The following KIAA1549L variants were observed in gnomAD, a reference collection of about 807,000 sequenced individuals.
KIAA1549L encodes the protein UPF0606 protein KIAA1549L.
Under a neutral mutation model 160.7 loss-of-function variants are expected in KIAA1549L, and 88 were observed. The observed-to-expected ratio is 0.55, with a 90% CI of 0.46 to 0.65. KIAA1549L has a LOEUF of 0.65. Ranked by LOEUF, KIAA1549L falls within the 30% of genes least tolerant of loss-of-function variation. The probability of loss-of-function intolerance (pLI) is 0.00; values close to 1 mark genes in which losing one functional copy is unlikely to be tolerated. For missense variants in KIAA1549L, 2,258 were observed against 2,437.5 expected (o/e 0.93, Z 1.55); for synonymous variants, 950 against 976.7 (o/e 0.97, Z 0.51).
intron 20 of KIAA1549L, 92 bp from the exon 21 acceptor site, chr11:33,667,781 G>T: frequency 2.7e-6 from 3 of 1,095,678 alleles, no homozygotes; most frequent in South Asian, 3.1e-5. Flanking sequence ...CATGTCCTCA[G>T]CCCCCTCCTG....
At chr11:33,664,649 TC>T (rs1404484627) in intron 20 of KIAA1549L, among the ~76,000 whole-genome samples, 1 of 152,206 alleles carries the variant, frequency 6.6e-6, no homozygotes, top group East Asian at 1.9e-4. Context: ...CCCTGACCTT[TC>T]CTGCCATGTG....
At chr11:33,614,529 A>AGGCCATAT (rs1194353287) in intron 15 of KIAA1549L, among the ~76,000 whole-genome samples, 1 of 39,140 alleles carries the variant, frequency 2.6e-5, no homozygotes, top group Non-Finnish European at 5.8e-5. Flanking sequence ...TGAGTGTAAC[A>AGGCCATAT]AGATATATAT....
chr11:33,632,977 G>A (rs555266095), intron 16 of KIAA1549L, among the ~76,000 whole-genome samples: 15 of 144,660 alleles, frequency 1.0e-4, no homozygotes, highest in East Asian at 2.0e-4. Flanking sequence ...GTTTTTTGTC[G>A]TTGTTGTTTG....
chr11:33,452,413 C>T (rs1203176494), intron 1 of KIAA1549L, among the ~76,000 whole-genome samples: 1 of 152,194 alleles, frequency 6.6e-6, no homozygotes, highest in Non-Finnish European at 1.5e-5. Context: ...CGAGACCATC[C>T]TGGCTAACAT....
intron 16 of KIAA1549L, among the ~76,000 whole-genome samples, chr11:33,633,951 G>A (rs535662650): frequency 3.9e-5 from 6 of 152,158 alleles, no homozygotes; most frequent in South Asian, 2.1e-4. Flanking sequence ...GAAAACAGGC[G>A]GTGAACATTA....
At chr11:33,463,718 A>T (rs1851987341) in intron 1 of KIAA1549L, among the ~76,000 whole-genome samples, 1 of 152,208 alleles carries the variant, frequency 6.6e-6, no homozygotes, top group Non-Finnish European at 1.5e-5. Flanking sequence ...ACTCTCTATG[A>T]TGTCTTTCCT....
At chr11:33,392,354 T>C (rs1183410385) in intron 1 of KIAA1549L, among the ~76,000 whole-genome samples, 1 of 152,230 alleles carries the variant, frequency 6.6e-6, no homozygotes, top group African/African-American at 2.4e-5. Context: ...TCAATTCATC[T>C]TATTTTTGAT....
chr11:33,476,131 G>T (rs994515528), intron 1 of KIAA1549L, among the ~76,000 whole-genome samples: 3 of 152,266 alleles, frequency 2.0e-5, no homozygotes, highest in Non-Finnish European at 2.9e-5. Context: ...CTATTACTGT[G>T]CTGAAATTGG....
chr11:33,570,353 G>T (rs1590353818), intron 9 of KIAA1549L, among the ~76,000 whole-genome samples: 1 of 152,230 alleles, frequency 6.6e-6, no homozygotes, highest in Non-Finnish European at 1.5e-5. Flanking sequence ...TAGCTGCCTG[G>T]AAAGTCTGAG....
chr11:33,515,895 G>A (rs1317700389), intron 1 of KIAA1549L, among the ~76,000 whole-genome samples: 2 of 152,168 alleles, frequency 1.3e-5, no homozygotes, highest in African/African-American at 4.8e-5. Context: ...AGTCACTCAA[G>A]CATTATTGGT....
At chr11:33,425,134 GC>G (rs1175578449) in intron 1 of KIAA1549L, among the ~76,000 whole-genome samples, 1 of 152,148 alleles carries the variant, frequency 6.6e-6, no homozygotes, top group Admixed American at 6.5e-5. Context: ...GTTAATATGT[GC>G]TCTAATTCCA....
At chr11:33,645,285 C>G (rs950343668) in intron 16 of KIAA1549L, among the ~76,000 whole-genome samples, 3 of 152,136 alleles carry the variant, frequency 2.0e-5, no homozygotes, top group African/African-American at 7.2e-5. Flanking sequence ...GGGAGTGAAT[C>G]TAGAATGCTA....
chr11:33,591,465 ATAAT>A (rs777111772), intron 12 of KIAA1549L, 44 bp downstream of exon 12: 1 of 1,468,374 alleles, frequency 6.8e-7, no homozygotes, highest in Non-Finnish European at 9.3e-7. Context: ...CAGCAAGAGA[ATAAT>A]TGATGATGAG....
intron 16 of KIAA1549L, among the ~76,000 whole-genome samples, chr11:33,632,370 GC>G (rs1851320394): frequency 6.6e-6 from 1 of 152,196 alleles, no homozygotes; most frequent in Non-Finnish European, 1.5e-5. Flanking sequence ...GCCATCATAT[GC>G]CAAGTGTCCA....
At chr11:33,378,925 G>T (rs1434545457) in intron 1 of KIAA1549L, among the ~76,000 whole-genome samples, 1 of 152,236 alleles carries the variant, frequency 6.6e-6, no homozygotes, top group East Asian at 1.9e-4. Flanking sequence ...TAAGGGGTTT[G>T]TGGGAAGAAG....
intron 1 of KIAA1549L, among the ~76,000 whole-genome samples, chr11:33,418,468 G>A (rs2615942): frequency 0.52 from 78,674 of 151,956 alleles, 20,632 homozygotes; most frequent in South Asian, 0.6. Context: ...TCGCCTTTGG[G>A]GCTCTGCTGT....
intron 1 of KIAA1549L, among the ~76,000 whole-genome samples, chr11:33,442,589 T>C (rs1329042206): frequency 2.0e-5 from 3 of 152,242 alleles, no homozygotes; most frequent in Non-Finnish European, 2.9e-5. Context: ...GCTTTTATAC[T>C]CTTCTTGATT....
chr11:33,608,643 CAAA>C (rs1488357350), intron 14 of KIAA1549L, among the ~76,000 whole-genome samples: 1 of 152,244 alleles, frequency 6.6e-6, no homozygotes, highest in African/African-American at 2.4e-5. Context: ...AGACAGATTC[CAAA>C]TCTGGGATAG....
At chr11:33,597,589 A>G (rs1384793033) in intron 12 of KIAA1549L, among the ~76,000 whole-genome samples, 10 of 152,246 alleles carry the variant, frequency 6.6e-5, no homozygotes, top group Admixed American at 5.9e-4. Flanking sequence ...CTTGTCTCCC[A>G]CAGTGGGGAG....
Sources: gnomAD v4.1 joint callset for allele counts (sites outside exome capture counted in the v4.1 genomes callset) on GRCh38, gnomAD v4.1.1 for gene constraint, MANE v1.5 for transcripts, NCBI Gene and HGNC (gene_info 2026-07-23, HGNC 2026-07-21) for gene names.